The following IL22RA1 variants were observed in gnomAD, a reference collection of about 807,000 sequenced individuals.
The protein encoded by IL22RA1 is interleukin-22 receptor subunit alpha-1.
Under a neutral mutation model 32.8 loss-of-function variants are expected in IL22RA1, and 25 were observed. That is an observed-to-expected ratio of 0.76 (90% CI 0.55 to 1.06). The LOEUF is 1.06. Ranked by LOEUF, IL22RA1 falls within the 50% of genes least tolerant of loss-of-function variation. The pLI, the probability that IL22RA1 is intolerant of heterozygous loss-of-function variation, is 0.00. For synonymous variants in IL22RA1, 305 were observed against 305.0 expected, an observed-to-expected ratio of 1.00 and a Z score of 0.00; for missense variants, 709 against 727.4, an observed-to-expected ratio of 0.97 and a Z score of 0.29.
At chr1:24,131,916 G>A (rs1644207470) in intron 4 of IL22RA1, among the ~76,000 whole-genome samples, 1 of 152,142 alleles carries the variant, frequency 6.6e-6, no homozygotes, top group Non-Finnish European at 1.5e-5. Context: ...TACAGCGTGT[G>A]TTCTCTGACC....
At chr1:24,125,502 G>A (rs554127968) in intron 5 of IL22RA1, among the ~76,000 whole-genome samples, 1 of 147,630 alleles carries the variant, frequency 6.8e-6, no homozygotes, top group African/African-American at 2.5e-5. Flanking sequence ...TGAGGGTAAT[G>A]CAGACGTCAG....
intron 5 of IL22RA1, among the ~76,000 whole-genome samples, chr1:24,123,778 A>C (rs1218104673): frequency 6.6e-6 from 1 of 152,168 alleles, no homozygotes; most frequent in African/African-American, 2.4e-5. Context: ...AGCGCACTGC[A>C]GGCCCCCAGC....
rs191534139 is a variant in IL22RA1 at position 24,123,547 on chromosome 1, C to A, written c.671-124G>T. ...GGCTGGGCTGGCAAGGCCTCTCCTACCGTCAGAATGCAAGATCACAAATGG... is the reference window on the plus strand; with the variant it reads ...GGCTGGGCTGGCAAGGCCTCTCCTAACGTCAGAATGCAAGATCACAAATGG... On this transcript the variant is annotated intron_variant, in intron 5 of 6. Coordinates refer to ENST00000270800, the MANE Select transcript of IL22RA1 (RefSeq NM_021258.4). 912 of 1,507,676 alleles carry A rather than the reference C, an allele frequency of 6.0e-4. 3 individuals carry two copies. In the African/African-American group the frequency reaches 0.012, roughly 19 times the overall value. The allele number at this position is 1,507,676 out of a possible 1,614,324, so 93.4% of individuals were successfully genotyped here. A position where few individuals can be genotyped will look rare whatever the true frequency, so the allele number is the denominator to read the frequency against.
Position 24,142,900 on chromosome 1 carries a change from C to T in IL22RA1, c.43+140G>A, listed in dbSNP as rs138858696. On this transcript the variant is annotated intron_variant, in intron 1 of 6. Coordinates refer to ENST00000270800, the MANE Select transcript of IL22RA1 (RefSeq NM_021258.4). ...AGCTGGGCATTTGCTTCTCCGTGAACACCCGGCACCCTGCTCAGCCCTAGC... is the reference window on the plus strand; with the variant it reads ...AGCTGGGCATTTGCTTCTCCGTGAATACCCGGCACCCTGCTCAGCCCTAGC... 2.4e-4 allele frequency: 194 copies of T among 799,116 alleles called. No individual in the cohort carries two copies. The African/African-American group carries it at 2.8e-3, about 12-fold the overall frequency. 49.5% of individuals were successfully genotyped at this position (799,116 alleles called of 1,614,324 possible).
At chr1:24,125,303 C>A (rs1285465556) in intron 5 of IL22RA1, among the ~76,000 whole-genome samples, 1 of 152,156 alleles carries the variant, frequency 6.6e-6, no homozygotes, top group Non-Finnish European at 1.5e-5. Context: ...CACAGCTACT[C>A]AGTGGAGTTA....
At chr1:24,139,315 T>C (rs183669067) in intron 1 of IL22RA1, among the ~76,000 whole-genome samples, 128 of 152,362 alleles carry the variant, frequency 8.4e-4, no homozygotes, top group African/African-American at 2.9e-3. Context: ...TTGTGTGATA[T>C]ACCACATTTT....
chr1:24,141,385 T>G (rs1188299191), intron 1 of IL22RA1, among the ~76,000 whole-genome samples: 5 of 152,042 alleles, frequency 3.3e-5, no homozygotes. Context: ...GAGGGTGGGC[T>G]TTGAGAAGCC....
chr1:24,122,056 G>A (rs1238074292), intron 6 of IL22RA1, among the ~76,000 whole-genome samples: 1 of 152,174 alleles, frequency 6.6e-6, no homozygotes, highest in Non-Finnish European at 1.5e-5. Flanking sequence ...GCATGATCTC[G>A]AGGTGGTGGC....
At chr1:24,142,615 T>A (rs759717276) in intron 1 of IL22RA1, among the ~76,000 whole-genome samples, 2 of 152,178 alleles carry the variant, frequency 1.3e-5, no homozygotes, top group Non-Finnish European at 2.9e-5. Flanking sequence ...CAAGCTTCGT[T>A]TCCCCCGGTC....
chr1:24,128,119 C>T (rs199754892), intron 5 of IL22RA1, 22 bp downstream of exon 5: 3 of 1,496,070 alleles, frequency 2.0e-6, no homozygotes, highest in Admixed American at 2.3e-5. Flanking sequence ...CCCCACCTCC[C>T]TCTGGTTTCA....
At chr1:24,132,789 C>A (rs1644215242) in intron 4 of IL22RA1, among the ~76,000 whole-genome samples, 1 of 151,528 alleles carries the variant, frequency 6.6e-6, no homozygotes, top group African/African-American at 2.4e-5. Flanking sequence ...TCTCTTGAGC[C>A]CAGGAGTTTG....
intron 5 of IL22RA1, 38 bp downstream of exon 5, chr1:24,128,103 C>T (rs746782860): frequency 1.7e-5 from 26 of 1,487,430 alleles, no homozygotes; most frequent in South Asian, 2.8e-5. Flanking sequence ...GACTTGAATT[C>T]GGGAGCCCCA....
chr1:24,123,290 G>A lies in IL22RA1; in HGVS notation c.792+12C>T. Reference sequence around the variant, plus strand: ...CTGGACCTCTCCCTCCCACCCTGGGGGGATGGCTCACCAGGGAGTTGGGAG... The same window carrying A: ...CTGGACCTCTCCCTCCCACCCTGGGAGGATGGCTCACCAGGGAGTTGGGAG... On this transcript the variant is annotated intron_variant, in intron 6 of 6. Transcript: ENST00000270800. 6.2e-7 allele frequency: 1 copy of A among 1,613,114 alleles called. No individual in the cohort carries two copies. Among genetic ancestry groups the A allele is most frequent in the Non-Finnish European group, 8.5e-7 (1 of 1,179,342 alleles).
At position 24,121,423 on chromosome 1, in the gene IL22RA1, G is replaced by T. The variant is rs773988913; in HGVS notation, c.1107C>A (p.Thr369=). The T allele has an allele frequency of 1.3e-6, 2 of 1,548,000 alleles. No homozygotes were observed. Among genetic ancestry groups the T allele is most frequent in the African/African-American group, 1.4e-5 (1 of 73,158 alleles). Residue 369 remains threonine, a synonymous_variant, in exon 7 of 7, where the codon ACC becomes ACA. Coordinates refer to ENST00000270800, the MANE Select transcript of IL22RA1 (RefSeq NM_021258.4). ...VGPPSYAPQV[T]PEAQFPFYAP... Reference sequence around the variant, plus strand: ...CGTAGAATGGGAATTGAGCTTCGGGGGTCACCTGAGGTGCATAGGATGGGG... The same window carrying T: ...CGTAGAATGGGAATTGAGCTTCGGGTGTCACCTGAGGTGCATAGGATGGGG...
At position 24,134,268 on chromosome 1, in the gene IL22RA1, G is replaced by A; in HGVS notation, c.474C>T (p.Asp158=). 1.2e-6 allele frequency: 2 copies of A among 1,611,638 alleles called. No individual in the cohort carries two copies. The highest frequency in any genetic ancestry group is 8.5e-7 in the Non-Finnish European group (1 of 1,178,748). The change falls in exon 4 of 7, where the codon GAC becomes GAT. Residue 158 remains aspartate (D), a synonymous_variant. Transcript: ENST00000270800. ...AGTGGTAGAACAGGTCATGGAAGATGTCTTCCAGGGTTAGCCGGTGGCCAT... is the reference window on the plus strand; with the variant it reads ...AGTGGTAGAACAGGTCATGGAAGATATCTTCCAGGGTTAGCCGGTGGCCAT... ...AGDGHRLTLE[D]IFHDLFYHLE...
In IL22RA1 at chr1:24,138,689, A is replaced by T. The variant is rs1644260105; in HGVS notation, c.69T>A (p.Asp23Glu). 1 of 1,614,188 alleles carries T rather than the reference A, an allele frequency of 6.2e-7. No homozygotes were observed. The highest frequency in any genetic ancestry group is 8.5e-7 in the Non-Finnish European group (1 of 1,180,030). The stretch of plus-strand genomic sequence containing the variant: ...ACTGGAATTTCACGTGCTGGAGCAG[A>T]TCCGAGGGGTCCTCAGGGGCGTGAG... ...LAAHAPEDPS[D>E]LLQHVKFQSS... Residue 23 changes from aspartate to glutamate, a missense_variant, in exon 2 of 7, where the codon GAT becomes GAA. By Grantham distance (45) the Asp-to-Glu change is conservative. Transcript: ENST00000270800.
chr1:24,136,596 G>A (rs1278960808), intron 3 of IL22RA1, among the ~76,000 whole-genome samples: 2 of 152,174 alleles, frequency 1.3e-5, no homozygotes, highest in African/African-American at 4.8e-5. Flanking sequence ...GGAGCAGCAA[G>A]GAACCCGAGG....
At chr1:24,140,389 C>A (rs1016186810) in intron 1 of IL22RA1, among the ~76,000 whole-genome samples, 1 of 152,128 alleles carries the variant, frequency 6.6e-6, no homozygotes, top group East Asian at 1.9e-4. Context: ...GGAAGACATT[C>A]GCTCTGTAGG....
At chr1:24,128,458 G>A (rs954274006) in intron 4 of IL22RA1, among the ~76,000 whole-genome samples, 179 bp from the exon 5 acceptor site, 9 of 151,958 alleles carry the variant, frequency 5.9e-5, no homozygotes, top group African/African-American at 1.7e-4. Flanking sequence ...CTCCAAGCAC[G>A]TGTGCCTTTC....
Sources: gnomAD v4.1 joint callset for allele counts (sites outside exome capture counted in the v4.1 genomes callset) on GRCh38, gnomAD v4.1.1 for gene constraint, MANE v1.5 for transcripts, NCBI Gene and HGNC (gene_info 2026-07-23, HGNC 2026-07-21) for gene names.